Variants in TBC1D5 observed in about 807,000 individuals in gnomAD.
TBC1D5 encodes the protein TBC1 domain family member 5.
A neutral mutation model predicts 100.3 loss-of-function variants in TBC1D5; 75 were observed. That is an observed-to-expected ratio of 0.75 (90% confidence interval 0.62 to 0.91). The LOEUF is 0.91. Ranked by LOEUF, TBC1D5 falls within the 40% of genes least tolerant of loss-of-function variation. The probability of loss-of-function intolerance (pLI) is 0.00; values close to 1 mark genes in which losing one functional copy is unlikely to be tolerated. For synonymous variants in TBC1D5, 323 were observed against 325.6 expected, an observed-to-expected ratio of 0.99 and a Z score of 0.09; for missense variants, 910 against 942.4, an observed-to-expected ratio of 0.97 and a Z score of 0.45.
chr3:17,443,851 T>C (rs948043537), intron 3 of TBC1D5, among the ~76,000 whole-genome samples: 1 of 152,120 alleles, frequency 6.6e-6, no homozygotes, highest in Non-Finnish European at 1.5e-5. Flanking sequence ...CAACAAAAGT[T>C]ATATACAATC....
intron 13 of TBC1D5, among the ~76,000 whole-genome samples, chr3:17,315,857 G>T (rs1015211287): frequency 6.6e-6 from 1 of 152,152 alleles, no homozygotes; most frequent in African/African-American, 2.4e-5. Context: ...GGGACGGGCG[G>T]GGGGAGGCTT....
intron 1 of TBC1D5, among the ~76,000 whole-genome samples, chr3:17,712,362 A>G (rs905186248): frequency 6.6e-6 from 1 of 152,188 alleles, no homozygotes; most frequent in African/African-American, 2.4e-5. Context: ...CCAGGAATTA[A>G]GGCTATTGCA....
At chr3:17,209,149 A>G (rs2072626604) in intron 18 of TBC1D5, among the ~76,000 whole-genome samples, 1 of 152,070 alleles carries the variant, frequency 6.6e-6, no homozygotes, top group African/African-American at 2.4e-5. Context: ...GTATCTATGT[A>G]TCTATCTAGT....
chr3:17,266,581 A>G (rs572394347), intron 15 of TBC1D5, among the ~76,000 whole-genome samples: 2 of 152,302 alleles, frequency 1.3e-5, no homozygotes, highest in East Asian at 3.9e-4. Flanking sequence ...AAATAAATTC[A>G]CAAAACCTCA....
chr3:17,548,213 G>A (rs995607695), intron 2 of TBC1D5, among the ~76,000 whole-genome samples: 1 of 152,128 alleles, frequency 6.6e-6, no homozygotes, highest in Non-Finnish European at 1.5e-5. Flanking sequence ...TACTCTGGAG[G>A]CTGAGGCAGG....
chr3:17,374,489 A>C (rs750595139), exon 12 of TBC1D5: 1 of 1,611,932 alleles, frequency 6.2e-7, no homozygotes, highest in Non-Finnish European at 8.5e-7. Context: ...CATCATGCTC[A>C]AAAGTTGAAA....
At chr3:17,455,246 T>TATGTG (rs1181321269) in intron 3 of TBC1D5, among the ~76,000 whole-genome samples, 2 of 137,340 alleles carry the variant, frequency 1.5e-5, no homozygotes, top group Non-Finnish European at 3.0e-5. Context: ...ACATATATTA[T>TATGTG]TGTATATATG....
chr3:17,263,360 T>C (rs1197507737), intron 15 of TBC1D5, among the ~76,000 whole-genome samples: 1 of 89,736 alleles, frequency 1.1e-5, no homozygotes, highest in African/African-American at 5.0e-5. Context: ...AATGAGACCC[T>C]GTCTCCAAAA....
At chr3:17,565,157 A>G (rs1476832788) in intron 2 of TBC1D5, among the ~76,000 whole-genome samples, 1 of 152,162 alleles carries the variant, frequency 6.6e-6, no homozygotes, top group African/African-American at 2.4e-5. Flanking sequence ...TTTTTAAGAC[A>G]CTGTCTAAAA....
At chr3:17,477,602 T>C (rs1013235924) in intron 3 of TBC1D5, among the ~76,000 whole-genome samples, 3 of 152,058 alleles carry the variant, frequency 2.0e-5, no homozygotes, top group Non-Finnish European at 1.5e-5. Context: ...AGTCATTGTA[T>C]GTCCGTTATA....
chr3:17,443,888 A>T (rs1213567251), intron 3 of TBC1D5, among the ~76,000 whole-genome samples: 1 of 152,234 alleles, frequency 6.6e-6, no homozygotes, highest in Non-Finnish European at 1.5e-5. Flanking sequence ...ACAACATTTT[A>T]AAAAATGAAA....
chr3:17,216,034 A>G (rs1324768276), intron 17 of TBC1D5, among the ~76,000 whole-genome samples: 1 of 152,150 alleles, frequency 6.6e-6, no homozygotes, highest in African/African-American at 2.4e-5. Context: ...TGATAAACCA[A>G]GAATGCTAAC....
intron 18 of TBC1D5, among the ~76,000 whole-genome samples, chr3:17,200,643 TC>T (rs749165207): frequency 3.6e-4 from 55 of 152,358 alleles, no homozygotes; most frequent in African/African-American, 1.2e-3. Flanking sequence ...TGGTAACAAT[TC>T]TAAGGGAAAT....
chr3:17,685,168 T>TA (rs575591100), intron 1 of TBC1D5, among the ~76,000 whole-genome samples: 12 of 151,770 alleles, frequency 7.9e-5, no homozygotes, highest in East Asian at 7.7e-4. Flanking sequence ...AATTTAAAGC[T>TA]AAAAAAAGCT....
chr3:17,240,723 C>T (rs189285428), intron 16 of TBC1D5, among the ~76,000 whole-genome samples: 8 of 152,110 alleles, frequency 5.3e-5, no homozygotes, highest in African/African-American at 1.9e-4. Context: ...TTTAGTTTTG[C>T]TTGTTTGCAA....
At chr3:17,423,743 T>C (rs1200600420) in intron 4 of TBC1D5, among the ~76,000 whole-genome samples, 1 of 152,310 alleles carries the variant, frequency 6.6e-6, no homozygotes, top group African/African-American at 2.4e-5. Context: ...ACAGTTTATA[T>C]AGAATCTCAA....
intron 3 of TBC1D5, among the ~76,000 whole-genome samples, chr3:17,480,149 G>A (rs758791691): frequency 2.6e-5 from 4 of 152,204 alleles, no homozygotes; most frequent in Admixed American, 6.5e-5. Flanking sequence ...CCGGCCCCCT[G>A]CCACCTCAGT....
chr3:17,559,458 G>T (rs1312346224), intron 2 of TBC1D5, among the ~76,000 whole-genome samples: 1 of 151,454 alleles, frequency 6.6e-6, no homozygotes, highest in Non-Finnish European at 1.5e-5. Flanking sequence ...ACATTTAAAT[G>T]ACAAGGAAAA....
chr3:17,299,836 A>G (rs62245886), intron 14 of TBC1D5, among the ~76,000 whole-genome samples: 2,106 of 128,086 alleles, frequency 0.016, 45 homozygotes, highest in African/African-American at 0.06. Context: ...TCCAGCCTGG[A>G]CGACAGAGCG....
Sources: gnomAD v4.1 joint callset for allele counts (sites outside exome capture counted in the v4.1 genomes callset) on GRCh38, gnomAD v4.1.1 for gene constraint, MANE v1.5 for transcripts, NCBI Gene and HGNC (gene_info 2026-07-23, HGNC 2026-07-21) for gene names.